PRDM1: variants seen among roughly 807,000 people sequenced by gnomAD.
The protein encoded by PRDM1 is PR domain zinc finger protein 1.
In PRDM1, 13 loss-of-function variants were observed where a neutral mutation model predicts 62.8. The ratio of observed to expected loss-of-function variants is 0.21; its 90% CI spans 0.13 to 0.33. The LOEUF (loss-of-function observed/expected upper bound fraction) is 0.33, where lower values mean the gene tolerates loss of function less well. PRDM1 is among the 10% of genes least tolerant of loss of function. PRDM1 has a pLI of 1.00. For missense variants in PRDM1, 895 were observed against 1,058.8 expected, an observed-to-expected ratio of 0.85 and a Z score of 2.15; for synonymous variants, 396 against 417.6, an observed-to-expected ratio of 0.95 and a Z score of 0.63.
intron 1 of PRDM1, among the ~76,000 whole-genome samples, chr6:106,003,256 T>C (rs987499861): frequency 4.6e-5 from 7 of 152,240 alleles, no homozygotes; most frequent in African/African-American, 1.7e-4. Context: ...ACCAGGACTA[T>C]AAACACAAAT....
intron 1 of PRDM1, among the ~76,000 whole-genome samples, chr6:106,039,098 A>G (rs1436084761): frequency 8.8e-6 from 1 of 113,354 alleles, no homozygotes; most frequent in African/African-American, 3.2e-5. Context: ...CATTTTTTAA[A>G]TAAGTAAGTA....
intron 1 of PRDM1, among the ~76,000 whole-genome samples, chr6:106,055,039 C>A (rs1582441636): frequency 1.3e-5 from 2 of 152,182 alleles, no homozygotes; most frequent in African/African-American, 2.4e-5. Flanking sequence ...ATGACCCATA[C>A]TGCTATTGGA....
At chr6:106,027,661 A>G (rs567506949) in intron 1 of PRDM1, among the ~76,000 whole-genome samples, 4 of 152,292 alleles carry the variant, frequency 2.6e-5, no homozygotes, top group Admixed American at 1.3e-4. Context: ...GAGTGGATCA[A>G]TGTAGGGTTT....
intron 2 of PRDM1, among the ~76,000 whole-genome samples, chr6:106,093,856 C>G (rs1183924745): frequency 6.6e-6 from 1 of 152,042 alleles, no homozygotes; most frequent in Non-Finnish European, 1.5e-5. Flanking sequence ...CTTAAAGGAC[C>G]AAAAATAACA....
At chr6:106,083,519 C>T (rs1192716766), upstream of PRDM1, among the ~76,000 whole-genome samples, 1 of 152,120 alleles carries the variant, frequency 6.6e-6, no homozygotes, top group African/African-American at 2.4e-5. Context: ...CATTGCAATT[C>T]CCAATCCACC....
intron 1 of PRDM1, among the ~76,000 whole-genome samples, chr6:106,019,316 T>C (rs965005645): frequency 1.5e-4 from 22 of 150,878 alleles, no homozygotes; most frequent in Admixed American, 2.6e-4. Context: ...TGATTTTATA[T>C]GTTATTTTAA....
upstream of PRDM1, among the ~76,000 whole-genome samples, chr6:105,992,971 C>G (rs1772298179): frequency 2.0e-5 from 3 of 152,184 alleles, no homozygotes; most frequent in South Asian, 6.2e-4. Context: ...AGCCTCCTTC[C>G]TCCAAAAGGA....
intron 1 of PRDM1, among the ~76,000 whole-genome samples, chr6:105,999,876 C>T (rs958788868): frequency 6.6e-6 from 1 of 151,820 alleles, no homozygotes; most frequent in African/African-American, 2.4e-5. Context: ...TTTTTTGAGA[C>T]GGAGTCTTGC....
At chr6:106,098,520 G>C in intron 3 of PRDM1, 1 of 1,245,034 alleles carries the variant, frequency 8.0e-7, no homozygotes, top group African/African-American at 1.6e-5. Flanking sequence ...CTCTGTGTGT[G>C]GTGTTTTAGC....
At chr6:106,087,707 G>A (rs369526398) in intron 1 of PRDM1, 1 of 232,736 alleles carries the variant, frequency 4.3e-6, no homozygotes, top group Non-Finnish European at 8.5e-6. Flanking sequence ...GGAAAAGGCA[G>A]GCTGGGTTCC....
chr6:106,086,488 G>C lies in PRDM1; in HGVS notation c.-66G>C. 6.7e-7 allele frequency: 1 copy of C among 1,483,318 alleles called. No individual in the cohort carries two copies. The highest frequency in any genetic ancestry group is 1.2e-5 in the South Asian group (1 of 81,274). The allele number at this position is 1,483,318 out of a possible 1,614,324, so 91.9% of individuals were successfully genotyped here. A position where few individuals can be genotyped will look rare whatever the true frequency, so the allele number is the denominator to read the frequency against. On this transcript the variant is annotated 5_prime_UTR_variant, in exon 1 of 7. Transcript: ENST00000369096. ...GGACCGCCGAGGTGCGCGTCTGTGC[G>C]GCTCAGCCTGGCGGGGGACGCGGGG...
intron 1 of PRDM1, among the ~76,000 whole-genome samples, chr6:105,996,083 G>T (rs1431948997): frequency 6.6e-6 from 1 of 152,092 alleles, no homozygotes; most frequent in Non-Finnish European, 1.5e-5. Flanking sequence ...ATTTTTAAAA[G>T]TCAGCCAGAT....
intron 1 of PRDM1, chr6:106,071,975 G>A (rs1054643002): frequency 1.3e-5 from 2 of 152,208 alleles, no homozygotes; most frequent in Non-Finnish European, 2.9e-5. Flanking sequence ...ATTGATTTGA[G>A]ATGCAACTTG....
intron 1 of PRDM1, among the ~76,000 whole-genome samples, chr6:105,996,964 ACTT>A (rs1230633079): frequency 1.3e-5 from 2 of 152,222 alleles, no homozygotes; most frequent in Non-Finnish European, 2.9e-5. Context: ...AAAAGCTACT[ACTT>A]ATTTTTCAGC....
intron 1 of PRDM1, among the ~76,000 whole-genome samples, chr6:106,057,621 A>G (rs921083216): frequency 5.9e-5 from 9 of 152,136 alleles, no homozygotes; most frequent in Non-Finnish European, 1.0e-4. Context: ...AACCTTACAT[A>G]TGTCTATGCA....
At chr6:106,014,058 A>ATTTTTTTTTTTTTTTTTTTTTTTT (rs71006664) in intron 1 of PRDM1, among the ~76,000 whole-genome samples, 2 of 105,102 alleles carry the variant, frequency 1.9e-5, no homozygotes, top group African/African-American at 3.7e-5. Context: ...AGGACAAGGA[A>ATTTTTTTTTTTTTTTTTTTTTTTT]TTTTTTTTTT....
intron 1 of PRDM1, among the ~76,000 whole-genome samples, chr6:106,026,973 A>G (rs969735917): frequency 7.2e-5 from 11 of 152,228 alleles, no homozygotes; most frequent in Non-Finnish European, 1.3e-4. Context: ...AAGACGTGTC[A>G]GAGTTTGAGC....
intron 1 of PRDM1, among the ~76,000 whole-genome samples, chr6:106,021,203 A>G (rs1772692841): frequency 6.6e-6 from 1 of 152,240 alleles, no homozygotes. Flanking sequence ...TACTGACATC[A>G]GATTCTTCGG....
chr6:106,043,614 A>G (rs930440803), upstream of PRDM1, among the ~76,000 whole-genome samples: 1 of 151,696 alleles, frequency 6.6e-6, no homozygotes, highest in South Asian at 2.1e-4. Flanking sequence ...GCTCCCCGCA[A>G]CCTCCGCCTC....
Sources: allele counts gnomAD v4.1 joint callset (sites outside exome capture counted in the v4.1 genomes callset), GRCh38; gene constraint gnomAD v4.1.1; transcripts MANE v1.5; gene names NCBI Gene and HGNC (gene_info 2026-07-23, HGNC 2026-07-21).